Variants in SRPK1 observed in about 807,000 individuals in gnomAD.
SRPK1 encodes the protein SRSF protein kinase 1.
In SRPK1, 52 loss-of-function variants were observed where a neutral mutation model predicts 89.5. The observed-to-expected ratio is 0.58, with a 90% confidence interval of 0.46 to 0.73. The LOEUF (loss-of-function observed/expected upper bound fraction) is 0.73, where lower values mean the gene tolerates loss of function less well. Among genes scored for constraint, SRPK1 ranks in the 30% least tolerant of loss-of-function variants. The pLI, the probability that SRPK1 is intolerant of heterozygous loss-of-function variation, is 0.00. For missense variants in SRPK1, 603 were observed against 780.6 expected, an observed-to-expected ratio of 0.77 and a Z score of 2.71; for synonymous variants, 255 against 270.2, an observed-to-expected ratio of 0.94 and a Z score of 0.55.
At chr6:35,907,339 G>A (rs774757972) in intron 2 of SRPK1, among the ~76,000 whole-genome samples, 2 of 152,204 alleles carry the variant, frequency 1.3e-5, no homozygotes, top group East Asian at 1.9e-4. Context: ...TTATACTACC[G>A]TAGCTATGCT....
intron 12 of SRPK1, among the ~76,000 whole-genome samples, chr6:35,868,050 G>A (rs1462745358): frequency 2.0e-5 from 3 of 151,934 alleles, no homozygotes; most frequent in Non-Finnish European, 1.5e-5. Flanking sequence ...TTGGCTCGCC[G>A]AAACCTCTGC....
chr6:35,869,662 T>C lies in SRPK1; in HGVS notation c.1231A>G (p.Thr411Ala). 2 of 1,614,034 alleles carry C rather than the reference T, an allele frequency of 1.2e-6. No individual in the cohort carries two copies. The highest frequency in any genetic ancestry group is 1.7e-6 in the Non-Finnish European group (2 of 1,179,890). The change falls in exon 11 of 16, where the codon ACA becomes GCA. Residue 411 changes from threonine to alanine, a missense_variant. Thr to Ala is a moderately conservative substitution (Grantham distance 58). Coordinates refer to ENST00000373825, the MANE Select transcript of SRPK1 (RefSeq NM_003137.5). ...GATGTTATAGGTGTACAAGAGTCTG[T>C]TTCTTGAGATGTGCTGCTGTCTCCA... ...QNGDSSTSQE[T>A]DSCTPITSEV...
chr6:35,861,847 T>G (rs1038269250), intron 12 of SRPK1, among the ~76,000 whole-genome samples: 1 of 152,144 alleles, frequency 6.6e-6, no homozygotes, highest in East Asian at 1.9e-4. Flanking sequence ...TGCTGTTCAT[T>G]TGAGAGGGAA....
intron 13 of SRPK1, among the ~76,000 whole-genome samples, chr6:35,852,714 C>A (rs984722627): frequency 6.6e-6 from 1 of 152,156 alleles, no homozygotes; most frequent in African/African-American, 2.4e-5. Flanking sequence ...AATTACTACA[C>A]TTTGGATTTT....
intron 2 of SRPK1, among the ~76,000 whole-genome samples, chr6:35,918,665 A>G (rs1771165450): frequency 6.6e-6 from 1 of 152,232 alleles, no homozygotes; most frequent in African/African-American, 2.4e-5. Context: ...AAGATGAAAT[A>G]TTCAGTAAAA....
chr6:35,885,298 C>CACACACACACACAGAGAGAG (rs1276672274), intron 6 of SRPK1, among the ~76,000 whole-genome samples: 1 of 113,114 alleles, frequency 8.8e-6, no homozygotes, highest in African/African-American at 3.6e-5. Flanking sequence ...CACACACACA[C>CACACACACACACAGAGAGAG]AGAGAGAGAG....
chr6:35,855,606 G>C (rs1769649767), intron 13 of SRPK1, among the ~76,000 whole-genome samples: 1 of 152,172 alleles, frequency 6.6e-6, no homozygotes, highest in African/African-American at 2.4e-5. Context: ...TGAAGAAATT[G>C]ATCTATGTCC....
intron 13 of SRPK1, among the ~76,000 whole-genome samples, chr6:35,845,968 C>T (rs567161243): frequency 7.3e-4 from 111 of 152,330 alleles, no homozygotes; most frequent in Non-Finnish European, 1.2e-3. Context: ...AATTTCCTGT[C>T]TTCAACAATC....
At position 35,835,163 on chromosome 6, in the gene SRPK1, T is replaced by C. The variant is rs1370319183; in HGVS notation, c.*141A>G. 2.5e-6 allele frequency: 2 copies of C among 805,250 alleles called. No homozygotes were observed. The highest frequency in any genetic ancestry group is 3.7e-6 in the Non-Finnish European group (2 of 535,566). The allele number at this position is 805,250 out of a possible 1,614,324, so 49.9% of individuals were successfully genotyped here. Reference sequence around the variant, plus strand: ...ACAGGGTCAAGTAAGCAAACCCAAATGAACATGTTGGATTAAAAAAAAAAC... The same window carrying C: ...ACAGGGTCAAGTAAGCAAACCCAAACGAACATGTTGGATTAAAAAAAAAAC... On this transcript the variant is annotated 3_prime_UTR_variant, in exon 16 of 16. Coordinates refer to ENST00000373825, the MANE Select transcript of SRPK1 (RefSeq NM_003137.5).
chr6:35,836,583 C>T (rs965134694), intron 15 of SRPK1, among the ~76,000 whole-genome samples: 2 of 151,658 alleles, frequency 1.3e-5, no homozygotes, highest in Non-Finnish European at 2.9e-5. Context: ...TGAAACCCTG[C>T]CTCTACCAAA....
intron 2 of SRPK1, among the ~76,000 whole-genome samples, chr6:35,903,249 C>T (rs944579881): frequency 4.6e-5 from 7 of 152,130 alleles, no homozygotes; most frequent in Non-Finnish European, 1.0e-4. Flanking sequence ...TGGTGGCTCA[C>T]GCCTGTAATC....
rs1434631464 is a variant in SRPK1 at position 35,874,125 on chromosome 6, C to T, written c.585+108G>A. ...TACAGGAATGAGCCACCACACCCGG[C>T]CTTAAAACAAAAATTCTATTGGAAA... On this transcript the variant is annotated intron_variant, in intron 7 of 15. Coordinates refer to ENST00000373825, the MANE Select transcript of SRPK1 (RefSeq NM_003137.5). 1.1e-5 allele frequency: 10 copies of T among 921,802 alleles called. 2 individuals are homozygous for T. Among genetic ancestry groups the T allele is most frequent in the Middle Eastern group, 2.8e-4 (1 of 3,574 alleles). 57.1% of individuals were successfully genotyped at this position (921,802 alleles called of 1,614,324 possible). A position where few individuals can be genotyped will look rare whatever the true frequency, so the allele number is the denominator to read the frequency against.
In SRPK1 at chr6:35,921,001, G is replaced by A. The variant is rs1007308981; in HGVS notation, c.13+43C>T. ...CCGGCGCTGACCCGGGCCTCGCCCC[G>A]GCGACCATTGCCCCTCGTGGCGGAG... On this transcript the variant is annotated intron_variant, in intron 1 of 15. Coordinates refer to ENST00000373825, the MANE Select transcript of SRPK1 (RefSeq NM_003137.5). 36 of 1,519,038 alleles carry A rather than the reference G, an allele frequency of 2.4e-5. No homozygotes were observed. In the African/African-American group the frequency reaches 3.5e-4, roughly 15 times the overall value. The allele number at this position is 1,519,038 out of a possible 1,614,324, so 94.1% of individuals were successfully genotyped here.
intron 6 of SRPK1, 36 bp downstream of exon 6, chr6:35,886,688 G>A (rs1770415681): frequency 3.9e-6 from 5 of 1,278,500 alleles, no homozygotes; most frequent in Non-Finnish European, 4.5e-6. Flanking sequence ...TTGGGATTGG[G>A]ATGATTTATT....
At chr6:35,891,581 C>T (rs1363358524) in intron 2 of SRPK1, among the ~76,000 whole-genome samples, 3 of 152,000 alleles carry the variant, frequency 2.0e-5, no homozygotes, top group Non-Finnish European at 2.9e-5. Context: ...ATTTGCCCAG[C>T]GTGGTGGTGG....
At chr6:35,853,049 G>T (rs1769588191) in intron 13 of SRPK1, among the ~76,000 whole-genome samples, 1 of 152,148 alleles carries the variant, frequency 6.6e-6, no homozygotes, top group South Asian at 2.1e-4. Context: ...AGACCAGTCT[G>T]TGCAACATAG....
chr6:35,840,977 C>T (rs760776782), intron 14 of SRPK1, among the ~76,000 whole-genome samples: 3 of 152,138 alleles, frequency 2.0e-5, no homozygotes, highest in Non-Finnish European at 4.4e-5. Flanking sequence ...CATAAGGTAA[C>T]ACCCGATATA....
chr6:35,871,355 C>G (rs947910068), intron 8 of SRPK1, among the ~76,000 whole-genome samples: 6 of 152,172 alleles, frequency 3.9e-5, no homozygotes, highest in African/African-American at 1.4e-4. Flanking sequence ...GTAATTTGCT[C>G]TACAGCATGT....
intron 2 of SRPK1, among the ~76,000 whole-genome samples, chr6:35,897,162 T>C (rs1308529065): frequency 6.6e-6 from 1 of 152,178 alleles, no homozygotes; most frequent in Non-Finnish European, 1.5e-5. Context: ...TCTGAATATG[T>C]TAAAACAATG....
Sources: gnomAD v4.1 joint callset for allele counts (sites outside exome capture counted in the v4.1 genomes callset) on GRCh38, gnomAD v4.1.1 for gene constraint, MANE v1.5 for transcripts, NCBI Gene and HGNC (gene_info 2026-07-23, HGNC 2026-07-21) for gene names.